Variants in LARP1B observed in about 807,000 individuals in gnomAD.
The protein encoded by LARP1B is la-related protein 1B.
In LARP1B, 76 loss-of-function variants were observed where a neutral mutation model predicts 114.2. The observed-to-expected ratio is 0.67, with a 90% CI of 0.55 to 0.81. LARP1B has a LOEUF of 0.81. Ranked by LOEUF, LARP1B falls within the 30% of genes least tolerant of loss-of-function variation. LARP1B has a pLI of 0.00. For synonymous variants in LARP1B, 345 were observed against 348.0 expected (o/e 0.99, Z 0.10); for missense variants, 1,014 against 1,075.8 (o/e 0.94, Z 0.80).
At chr4:128,072,697 C>T (rs774928792) in intron 1 of LARP1B, among the ~76,000 whole-genome samples, 2 of 152,036 alleles carry the variant, frequency 1.3e-5, no homozygotes, top group Non-Finnish European at 2.9e-5. Flanking sequence ...GCTGGGATTA[C>T]AGGCATGCGC....
chr4:128,195,100 CT>C (rs113029496), intron 15 of LARP1B, among the ~76,000 whole-genome samples: 6 of 151,892 alleles, frequency 4.0e-5, no homozygotes, highest in South Asian at 2.1e-4. Context: ...TACTTCTAGA[CT>C]TTTTTTTGTT....
chr4:128,181,269 C>T (rs1217026577), intron 15 of LARP1B, among the ~76,000 whole-genome samples: 12 of 151,340 alleles, frequency 7.9e-5, no homozygotes, highest in East Asian at 7.8e-4. Flanking sequence ...CTTCAACTTC[C>T]GGCTCCCAGG....
At position 128,146,698 on chromosome 4, in the gene LARP1B, A is replaced by G. The variant is rs138446169; in HGVS notation, c.1525-15496A>G. 2.6e-4 allele frequency among the ~76,000 whole-genome samples: 40 copies of G among 152,320 alleles called. No homozygotes were observed. In the East Asian group the frequency reaches 6.4e-3, roughly 24 times the overall value. ...TCCAGGATATTGGCAGTGTCCTATT[A>G]ACATAGATGGTAGTAGCATGTGGTG... On this transcript the variant is annotated intron_variant, in intron 11 of 19. Coordinates refer to ENST00000326639, the MANE Select transcript of LARP1B (RefSeq NM_018078.4).
chr4:128,092,220 A>T (rs1776169713), intron 7 of LARP1B, among the ~76,000 whole-genome samples: 1 of 152,174 alleles, frequency 6.6e-6, no homozygotes, highest in Non-Finnish European at 1.5e-5. Flanking sequence ...TAACATAAAT[A>T]AAAAATGGTG....
intron 11 of LARP1B, among the ~76,000 whole-genome samples, chr4:128,152,767 A>G (rs1182493263): frequency 6.6e-6 from 1 of 151,884 alleles, no homozygotes; most frequent in African/African-American, 2.4e-5. Flanking sequence ...TGTTCAGAAT[A>G]TCTCAAACCT....
intron 9 of LARP1B, chr4:128,107,789 G>A: frequency 6.5e-7 from 1 of 1,527,440 alleles, no homozygotes; most frequent in South Asian, 1.2e-5. Context: ...GTTGTGTTTA[G>A]AATTTCCAAA....
chr4:128,070,771 G>C (rs1764956908), intron 1 of LARP1B, among the ~76,000 whole-genome samples: 1 of 151,854 alleles, frequency 6.6e-6, no homozygotes, highest in Admixed American at 6.6e-5. Context: ...AGATCAGCCT[G>C]GGCAACATAG....
intron 5 of LARP1B, among the ~76,000 whole-genome samples, chr4:128,083,559 T>TGGCG (rs1400301197): frequency 1.4e-5 from 2 of 141,152 alleles, no homozygotes; most frequent in African/African-American, 5.4e-5. Flanking sequence ...ACGGGGCGGC[T>TGGCG]GGCGGGCAGG....
At chr4:128,113,505 T>TAA (rs1177864593) in intron 9 of LARP1B, among the ~76,000 whole-genome samples, 3 of 151,832 alleles carry the variant, frequency 2.0e-5, no homozygotes, top group African/African-American at 7.3e-5. Flanking sequence ...CAGGCCTGGC[T>TAA]AATTTTTTTG....
intron 11 of LARP1B, among the ~76,000 whole-genome samples, chr4:128,126,861 G>T (rs561984799): frequency 1.3e-5 from 2 of 150,910 alleles, no homozygotes; most frequent in African/African-American, 4.9e-5. Flanking sequence ...ATAGGATAAC[G>T]GAGAAGGTCT....
chr4:128,123,030 A>G (rs1788493937), intron 11 of LARP1B: 1 of 985,260 alleles, frequency 1.0e-6, no homozygotes, highest in Non-Finnish European at 1.2e-6. Flanking sequence ...TAGGAAACTG[A>G]TCTTGGTTGG....
At chr4:128,128,865 C>G (rs2150078621) in intron 11 of LARP1B, among the ~76,000 whole-genome samples, 1 of 151,892 alleles carries the variant, frequency 6.6e-6, no homozygotes, top group East Asian at 1.9e-4. Context: ...ACTACAAAAC[C>G]CTGATGAAAG....
At chr4:128,113,267 AAAATATTT>A (rs1271377724) in intron 9 of LARP1B, among the ~76,000 whole-genome samples, 1 of 152,192 alleles carries the variant, frequency 6.6e-6, no homozygotes, top group Non-Finnish European at 1.5e-5. Context: ...AATATAACTT[AAAATATTT>A]AAATATTCTT....
intron 2 of LARP1B, 100 bp from the exon 3 acceptor site, chr4:128,074,834 A>G (rs6534661): frequency 0.64 from 496,184 of 774,028 alleles, 162,302 homozygotes; most frequent in Middle Eastern, 0.83. Context: ...CTGAATATAA[A>G]TGATTATTTA....
chr4:128,069,413 C>T, intron 1 of LARP1B: 1 of 761,390 alleles, frequency 1.3e-6, no homozygotes, highest in Admixed American at 1.7e-5. Flanking sequence ...GAACTGGGTG[C>T]TTTCGGCCAC....
intron 7 of LARP1B, among the ~76,000 whole-genome samples, chr4:128,092,104 A>G (rs1304897620): frequency 2.0e-5 from 3 of 152,180 alleles, no homozygotes; most frequent in Non-Finnish European, 4.4e-5. Context: ...ATTGCATAAT[A>G]TGAATAAATA....
At chr4:128,213,143 A>G (rs1303463116), downstream of LARP1B, among the ~76,000 whole-genome samples, 1 of 151,868 alleles carries the variant, frequency 6.6e-6, no homozygotes. Context: ...GTCTCGAACT[A>G]CTGACCTCAG....
chr4:128,078,252 A>C (rs933382855), intron 4 of LARP1B, among the ~76,000 whole-genome samples: 2 of 152,140 alleles, frequency 1.3e-5, no homozygotes, highest in Admixed American at 6.6e-5. Context: ...GTTCTTTTAG[A>C]TCTGCATTGG....
intron 8 of LARP1B, among the ~76,000 whole-genome samples, chr4:128,099,927 A>T (rs777232413): frequency 6.6e-6 from 1 of 152,024 alleles, no homozygotes; most frequent in Non-Finnish European, 1.5e-5. Flanking sequence ...TGAATAATAG[A>T]TATATAGTGG....
Sources: allele counts gnomAD v4.1 joint callset (sites outside exome capture counted in the v4.1 genomes callset), GRCh38; gene constraint gnomAD v4.1.1; transcripts MANE v1.5; gene names NCBI Gene and HGNC (gene_info 2026-07-23, HGNC 2026-07-21).